The following GLUL variants were observed in gnomAD, a reference collection of about 807,000 sequenced individuals.
GLUL encodes the protein glutamate-ammonia ligase, also known as glutamine synthetase.
GLUL carries 8 observed loss-of-function variants against 36.9 expected under a neutral mutation model. That is an observed-to-expected ratio of 0.22 (90% CI 0.13 to 0.39). GLUL has a LOEUF of 0.39. Among genes scored for constraint, GLUL ranks in the 10% least tolerant of loss-of-function variants. GLUL has a pLI of 1.00. For missense variants in GLUL, 315 were observed against 501.8 expected (o/e 0.63, Z 3.56); for synonymous variants, 182 against 172.8 (o/e 1.05, Z -0.42).
chr1:182,391,281 C>T, intron 1 of GLUL: 2 of 398,738 alleles, frequency 5.0e-6, no homozygotes, highest in East Asian at 7.1e-5. Context: ...CAACCAAGCG[C>T]CTTGTTTGCG....
At chr1:182,384,788 CACCAAAATATGAT>C in intron 6 of GLUL, 65 bp from the exon 7 acceptor site, 1 of 1,173,672 alleles carries the variant, frequency 8.5e-7, no homozygotes, top group South Asian at 1.2e-5. Context: ...GAATGAAGTG[CACCAAAATATGAT>C]ACCAGTAGAA....
At chr1:182,385,165 G>T in intron 6 of GLUL, 192 bp downstream of exon 6, 1 of 595,396 alleles carries the variant, frequency 1.7e-6, no homozygotes, top group Non-Finnish European at 3.0e-6. Context: ...TTTCAAATAG[G>T]AACAAAATGA....
Position 182,382,779 on chromosome 1 carries a change from CCA to C in GLUL, c.*1624_*1625del, listed in dbSNP as rs1457239180. On this transcript the variant is annotated 3_prime_UTR_variant, in exon 7 of 7. Transcript: ENST00000331872. ...GAAACGGCTGGTCAGCAACATCACT[CCA>C]GTGTTTTAAAAACTCAGAGTACATA... 6.6e-6 allele frequency: 1 copy of C among 152,150 alleles called. No individual in the cohort carries two copies. The highest frequency in any genetic ancestry group is 2.4e-5 in the African/African-American group (1 of 41,434). 9.4% of individuals were successfully genotyped at this position (152,150 alleles called of 1,614,324 possible).
In GLUL at chr1:182,385,872, C is replaced by G. The variant is rs748194087; in HGVS notation, c.491G>C (p.Gly164Ala). The change falls in exon 5 of 7, where the codon GGT becomes GCT. Residue 164 changes from glycine to alanine, a missense_variant. Coordinates refer to ENST00000331872, the MANE Select transcript of GLUL (RefSeq NM_001033044.4). ...FPGPQGPYYCGVGADRAYGRD... is the reference protein window; with the variant it reads ...FPGPQGPYYCAVGADRAYGRD... The stretch of plus-strand genomic sequence containing the variant: ...GCCATAGGCTCTGTCTGCTCCCACA[C>G]CACAGTAATATGGACCTACAGAAGC... The G allele has an allele frequency of 6.2e-7, 1 of 1,613,774 alleles. No individual in the cohort carries two copies. Among genetic ancestry groups the G allele is most frequent in the Non-Finnish European group, 8.5e-7 (1 of 1,179,660 alleles).
In GLUL at chr1:182,380,007, G is replaced by T. The variant is rs1649871084; in HGVS notation, c.*4398C>A. 6.6e-6 allele frequency among the ~76,000 whole-genome samples: 1 copy of T among 151,772 alleles called. No homozygotes were observed. The highest frequency in any genetic ancestry group is 2.1e-4 in the South Asian group (1 of 4,816). On this transcript the variant is annotated 3_prime_UTR_variant, in exon 7 of 7. Coordinates refer to ENST00000331872, the MANE Select transcript of GLUL (RefSeq NM_001033044.4). ...TTACAGGCATGTGCCACCACGCCCGGCTAATTTTTTGTATTTAGTAGAGAC... is the reference window on the plus strand; with the variant it reads ...TTACAGGCATGTGCCACCACGCCCGTCTAATTTTTTGTATTTAGTAGAGAC...
intron 2 of GLUL, among the ~76,000 whole-genome samples, chr1:182,387,714 G>T (rs1022227526): frequency 1.3e-5 from 2 of 152,126 alleles, no homozygotes; most frequent in Non-Finnish European, 2.9e-5. Flanking sequence ...TATAGATGAG[G>T]GAACAGACGA....
rs1650152998 is a variant in GLUL, at chr1:182,385,816, A to T, written c.547T>A (p.Cys183Ser). 1 of 1,614,150 alleles carries T rather than the reference A, an allele frequency of 6.2e-7. No individual in the cohort carries two copies. Among genetic ancestry groups the T allele is most frequent in the Non-Finnish European group, 8.5e-7 (1 of 1,179,976 alleles). The change falls in exon 5 of 7, where the codon TGC (cysteine) becomes AGC (serine). Residue 183 changes from cysteine to serine, a missense_variant. Transcript: ENST00000331872. ...GCAATCTTGACTCCAGCATACAAGCAGGCCCGGTAATGGGCCTCCACGATG... is the reference window on the plus strand; with the variant it reads ...GCAATCTTGACTCCAGCATACAAGCTGGCCCGGTAATGGGCCTCCACGATG... ...RDIVEAHYRA[C>S]LYAGVKIAGT...
chr1:182,385,305 C>A, intron 6 of GLUL, 52 bp downstream of exon 6: 1 of 1,378,602 alleles, frequency 7.3e-7, no homozygotes. Flanking sequence ...AAGTCTCCTC[C>A]CAAGTTTTCT....
At chr1:182,390,871 G>A in intron 1 of GLUL, 1 of 399,112 alleles carries the variant, frequency 2.5e-6, no homozygotes, top group Non-Finnish European at 4.4e-6. Context: ...CCCCGAGGGA[G>A]TTATAATTAT....
intron 3 of GLUL, 56 bp downstream of exon 3, chr1:182,387,075 C>T: frequency 2.2e-6 from 3 of 1,335,482 alleles, no homozygotes. Context: ...CTTCTCCCTC[C>T]CCTTCACAGC....
chr1:182,387,382 T>A, intron 2 of GLUL, 90 bp from the exon 3 acceptor site: 2 of 885,796 alleles, frequency 2.3e-6, no homozygotes, highest in Non-Finnish European at 1.9e-6. Context: ...CACCTTCCCA[T>A]CTCTAAATAT....
chr1:182,387,150 C>T lies in GLUL; in HGVS notation c.309G>A (p.Lys103=). Reference sequence around the variant, plus strand: ...ACACACCTGCAGGCCTTCGATTGTACTTGAAAACTTCACATAACACCAGCT... The same window carrying T: ...ACACACCTGCAGGCCTTCGATTGTATTTGAAAACTTCACATAACACCAGCT... ...PNKLVLCEVF[K]YNRRPAETNL... Residue 103 remains lysine, a synonymous_variant, in exon 3 of 7, where the codon AAG becomes AAA. Transcript: ENST00000331872. 1 of 1,613,988 alleles carries T rather than the reference C, an allele frequency of 6.2e-7. No homozygotes were observed. Among genetic ancestry groups the T allele is most frequent in the South Asian group, 1.1e-5 (1 of 91,078 alleles).
chr1:182,380,297 T>C lies in GLUL; in HGVS notation c.*4108A>G, dbSNP rs907994049. ...AAAGAATCAACATTTTCAATTTGTT[T>C]TTTGGGGTTTTGTTTGTTTTGTTTT... is the stretch of plus-strand genomic sequence containing the variant. On this transcript the variant is annotated 3_prime_UTR_variant, in exon 7 of 7. Coordinates refer to ENST00000331872, the MANE Select transcript of GLUL (RefSeq NM_001033044.4). Among the ~76,000 whole-genome samples the C allele has an allele frequency of 4.6e-5, 7 of 152,082 alleles. No homozygotes were observed. The highest frequency in any genetic ancestry group is 1.4e-4 in the African/African-American group (6 of 41,402).
intron 6 of GLUL, chr1:182,385,130 T>G: frequency 2.1e-6 from 1 of 473,618 alleles, no homozygotes; most frequent in Non-Finnish European, 3.8e-6. Context: ...TTTATCACTG[T>G]GAATCAGAAG....
At chr1:182,390,958 T>C (rs1396892288) in intron 1 of GLUL, 2 of 396,534 alleles carry the variant, frequency 5.0e-6, no homozygotes, top group Non-Finnish European at 8.9e-6. Flanking sequence ...CGTCCGAATC[T>C]CAGGGCCTCA....
At chr1:182,388,293 C>A (rs998172783) in intron 2 of GLUL, among the ~76,000 whole-genome samples, 1 of 152,176 alleles carries the variant, frequency 6.6e-6, no homozygotes, top group Non-Finnish European at 1.5e-5. Flanking sequence ...GGTCGGCAAC[C>A]TCTAAGCCCC....
At position 182,384,077 on chromosome 1, in the gene GLUL, A is replaced by C; in HGVS notation, c.*328T>G. The C allele has an allele frequency of 2.8e-6, 1 of 351,964 alleles. No individual in the cohort carries two copies. The highest frequency in any genetic ancestry group is 3.9e-5 in the Admixed American group (1 of 25,318). 21.8% of individuals were successfully genotyped at this position (351,964 alleles called of 1,614,324 possible). On this transcript the variant is annotated 3_prime_UTR_variant, in exon 7 of 7. Transcript: ENST00000331872. Reference sequence around the variant, plus strand: ...TGGAAGAAGAGACCCCCTTCTGCAAACGTGCTCTGTCCGGATAGCTACGCC... The same window carrying C: ...TGGAAGAAGAGACCCCCTTCTGCAACCGTGCTCTGTCCGGATAGCTACGCC...
In GLUL at chr1:182,379,993, T is replaced by C. The variant is rs566316557; in HGVS notation, c.*4412A>G. On this transcript the variant is annotated 3_prime_UTR_variant, in exon 7 of 7. Coordinates refer to ENST00000331872, the MANE Select transcript of GLUL (RefSeq NM_001033044.4). ...CCAAGCAGCTGGGATTACAGGCATG[T>C]GCCACCACGCCCGGCTAATTTTTTG... Among the ~76,000 whole-genome samples the C allele has an allele frequency of 5.9e-5, 9 of 152,074 alleles. No homozygotes were observed. In the South Asian group the frequency reaches 1.9e-3, roughly 32 times the overall value.
chr1:182,390,523 G>A lies in GLUL; in HGVS notation c.-14+1156C>T, dbSNP rs1335181911. On this transcript the variant is annotated intron_variant, in intron 1 of 6. Transcript: ENST00000331872. ...CCAGCCACAGAAAGTCAAGCGTATC[G>A]TTAGGGTTGCCCTCTTTAACCCTTC... 5.0e-6 allele frequency: 2 copies of A among 398,948 alleles called. No individual in the cohort carries two copies. Among genetic ancestry groups the A allele is most frequent in the Non-Finnish European group, 8.8e-6 (2 of 226,192 alleles). The allele number at this position is 398,948 out of a possible 1,614,324, so 24.7% of individuals were successfully genotyped here.
Sources: allele counts gnomAD v4.1 joint callset (sites outside exome capture counted in the v4.1 genomes callset), GRCh38; gene constraint gnomAD v4.1.1; transcripts MANE v1.5; gene names NCBI Gene and HGNC (gene_info 2026-07-23, HGNC 2026-07-21).